Variants in CES2 observed in about 807,000 individuals in gnomAD.
CES2 encodes cocaine esterase.
In CES2, 42 loss-of-function variants were observed where a neutral mutation model predicts 52.1. The ratio of observed to expected loss-of-function variants is 0.81; its 90% confidence interval spans 0.63 to 1.04. CES2 has a LOEUF of 1.04. Among genes scored for constraint, CES2 ranks in the 50% least tolerant of loss-of-function variants. CES2 has a pLI of 0.00. For synonymous variants in CES2, 277 were observed against 289.6 expected (o/e 0.96, Z 0.44); for missense variants, 656 against 724.3 (o/e 0.91, Z 1.08).
intron 5 of CES2, 139 bp from the exon 6 acceptor site, chr16:66,940,985 G>T: frequency 2.4e-6 from 3 of 1,252,564 alleles, no homozygotes; most frequent in African/African-American, 1.5e-5. Context: ...CTTCTGAGTT[G>T]GAACAGTGTC....
Position 66,943,797 on chromosome 16 carries a change from GA to G in CES2, c.1494-41del, listed in dbSNP as rs1264171343. On this transcript the variant is annotated intron_variant, in intron 11 of 11. Coordinates refer to ENST00000317091, the MANE Select transcript of CES2 (RefSeq NM_001365405.1). The surrounding 1 kb of genome is among the most constrained non-coding windows in gnomAD (Gnocchi z 4.2). ...CTCAGGTCTGGGCTTCGGGGGCCCA[GA>G]GTGACCCTCATACTGCCCTGCTGGG... 3.3e-6 allele frequency: 5 copies of G among 1,519,118 alleles called. No individual in the cohort carries two copies. In the South Asian group the frequency reaches 6.3e-5, roughly 19 times the overall value. The allele number at this position is 1,519,118 out of a possible 1,614,324, so 94.1% of individuals were successfully genotyped here.
chr16:66,942,140 G>A lies in CES2; in HGVS notation c.1173G>A (p.Glu391=). The A allele has an allele frequency of 1.9e-6, 3 of 1,612,678 alleles. No homozygotes were observed. Among genetic ancestry groups the A allele is most frequent in the Admixed American group, 1.7e-5 (1 of 59,940 alleles). The change falls in exon 9 of 12, where the codon GAG becomes GAA. Residue 391 remains glutamate, a synonymous_variant. Transcript: ENST00000317091. The part of the protein sequence containing the change: ...LPPTFGDLLR[E]EYIGDNGDPQ... The stretch of plus-strand genomic sequence containing the variant: ...CTACATTTGGTGACCTGCTGAGGGA[G>A]GAGTACATTGGGGACAATGGGGATC...
At chr16:66,938,571 G>A (rs1013481214) in intron 2 of CES2, among the ~76,000 whole-genome samples, 1 of 152,182 alleles carries the variant, frequency 6.6e-6, no homozygotes, top group South Asian at 2.1e-4. Context: ...GGAAAGGTTC[G>A]GGTTGGCTCT....
At position 66,941,606 on chromosome 16, in the gene CES2, T is replaced by G. The variant is rs1026557670; in HGVS notation, c.1016T>G (p.Val339Gly). Residue 339 changes from valine to glycine, a missense_variant, in exon 7 of 12, where the codon GTT becomes GGT. Transcript: ENST00000317091. ...GACTTTCAGCCTGTCCCTAGCATTG[T>G]TGGTGTCAACAACAATGAATTCGGC... is the stretch of plus-strand genomic sequence containing the variant. The part of the protein sequence containing the change: ...SADFQPVPSI[V>G]GVNNNEFGWL... The G allele has an allele frequency of 5.6e-6, 9 of 1,614,126 alleles. No individual in the cohort carries two copies. Among genetic ancestry groups the G allele is most frequent in the Non-Finnish European group, 6.8e-6 (8 of 1,180,002 alleles).
At chr16:66,941,308 CACATT>C in intron 6 of CES2, 86 bp downstream of exon 6, 1 of 1,556,018 alleles carries the variant, frequency 6.4e-7, no homozygotes, top group South Asian at 1.2e-5. Context: ...ATTCCCTGGG[CACATT>C]ACCTCATCTG....
Position 66,943,968 on chromosome 16 carries a change from G to A in CES2, c.1623G>A (p.Ala541=), listed in dbSNP as rs763130930. 5.0e-6 allele frequency: 8 copies of A among 1,600,658 alleles called. No homozygotes were observed. The highest frequency in any genetic ancestry group is 4.0e-5 in the African/African-American group (3 of 74,676). Residue 541 remains alanine, a synonymous_variant, in exon 12 of 12, where the codon GCG becomes GCA. Transcript: ENST00000317091. The surrounding 1 kb of genome is among the most constrained non-coding windows in gnomAD (Gnocchi z 4.2). ...ACAGGCTCCAGTTCTGGAAGAAGGC[G>A]CTGCCCCAAAAGATCCAGGAGCTCG... ...KAHRLQFWKK[A]LPQKIQELEE... is the part of the protein sequence containing the mutation.
chr16:66,935,236 G>T (rs1205278904), upstream of CES2: 3 of 542,638 alleles, frequency 5.5e-6, no homozygotes, highest in Admixed American at 6.3e-5. Context: ...GCCCTCCTGG[G>T]GTCTCCAATT....
chr16:66,944,086 CCA>C lies in CES2; in HGVS notation c.*69_*70del, dbSNP rs1963432660. The C allele has an allele frequency of 1.5e-5, 12 of 783,454 alleles. No individual in the cohort carries two copies. Among genetic ancestry groups the C allele is most frequent in the South Asian group, 2.2e-5 (1 of 44,516 alleles). 48.5% of individuals were successfully genotyped at this position (783,454 alleles called of 1,614,324 possible). A position where few individuals can be genotyped will look rare whatever the true frequency, so the allele number is the denominator to read the frequency against. On this transcript the variant is annotated 3_prime_UTR_variant, in exon 12 of 12. Transcript: ENST00000317091. ...ACAGGCGAGGGTCAGCCTGCTGTGC[CCA>C]CACACACCCACTAAGGAGAAAGAAG...
chr16:66,936,052 C>A, intron 1 of CES2: 1 of 1,226,122 alleles, frequency 8.2e-7, no homozygotes, highest in Non-Finnish European at 1.0e-6. Context: ...ATGATTGTGG[C>A]TGTAGCGGGT....
Position 66,935,604 on chromosome 16 carries a change from G to C in CES2, c.-32G>C. The C allele has an allele frequency of 1.2e-6, 2 of 1,610,370 alleles. No homozygotes were observed. The highest frequency in any genetic ancestry group is 1.7e-6 in the Non-Finnish European group (2 of 1,179,980). ...CCTCTGGGTGAACAGCAGCGTGTCC[G>C]CCGGCAGCGAACCGAGACCAGCGAG... On this transcript the variant is annotated 5_prime_UTR_variant, in exon 1 of 12. Coordinates refer to ENST00000317091, the MANE Select transcript of CES2 (RefSeq NM_001365405.1).
In CES2 at chr16:66,939,255, T is replaced by G. The variant is rs767154366; in HGVS notation, c.320T>G (p.Leu107Arg). ...QDLTAVESEF[L>R]SQFNMTFPSD... ...CTCACCGCAGTGGAGTCAGAGTTTC[T>G]TAGCCAGTTCAACATGACCTTCCCT... The change falls in exon 3 of 12, where the codon CTT becomes CGT. Residue 107 changes from leucine to arginine, a missense_variant. Transcript: ENST00000317091. The G allele has an allele frequency of 6.2e-7, 1 of 1,613,668 alleles. No homozygotes were observed. The highest frequency in any genetic ancestry group is 1.6e-4 in the Middle Eastern group (1 of 6,080).
chr16:66,935,390 G>A (rs1963174309), upstream of CES2: 2 of 1,528,856 alleles, frequency 1.3e-6, no homozygotes, highest in African/African-American at 1.4e-5. Context: ...AGGAGCCCGG[G>A]CAAAGGAAAG....
chr16:66,937,674 A>G lies in CES2; in HGVS notation c.77-363A>G, dbSNP rs533339073. Reference sequence around the variant, plus strand: ...TACATGATTTCTTGCCACTTTGGACATGACATCCCTGAGGACAAGAAACTT... The same window carrying G: ...TACATGATTTCTTGCCACTTTGGACGTGACATCCCTGAGGACAAGAAACTT... On this transcript the variant is annotated intron_variant, in intron 1 of 11. Coordinates refer to ENST00000317091, the MANE Select transcript of CES2 (RefSeq NM_001365405.1). Among the ~76,000 whole-genome samples, 5 of 152,318 alleles carry G rather than the reference A, an allele frequency of 3.3e-5. No homozygotes were observed. In the East Asian group the frequency reaches 7.7e-4, roughly 24 times the overall value.
intron 1 of CES2, among the ~76,000 whole-genome samples, chr16:66,936,831 A>G (rs1319896979): frequency 6.6e-6 from 1 of 152,078 alleles, no homozygotes; most frequent in African/African-American, 2.4e-5. Context: ...ACCACATTCT[A>G]GAGTTCACCA....
rs1413615167 is a variant in CES2 at position 66,944,819 on chromosome 16, TCTTGCTAGACACA to T, written c.*797_*809del. ...GTTACCAAGCCTGCCATGGGTCCTC[TCTTGCTAGACACA>T]CTCCATAGATCCCCCCACTGAGCTG... On this transcript the variant is annotated 3_prime_UTR_variant, in exon 12 of 12. Coordinates refer to ENST00000317091, the MANE Select transcript of CES2 (RefSeq NM_001365405.1). 1 of 152,272 alleles carries T rather than the reference TCTTGCTAGACACA, an allele frequency of 6.6e-6. No individual in the cohort carries two copies. Among genetic ancestry groups the T allele is most frequent in the Non-Finnish European group, 1.5e-5 (1 of 68,078 alleles). The allele number at this position is 152,272 out of a possible 1,614,324, so 9.4% of individuals were successfully genotyped here.
chr16:66,943,831 G>A lies in CES2; in HGVS notation c.1494-8G>A, dbSNP rs1290239443. The A allele has an allele frequency of 1.9e-6, 3 of 1,583,896 alleles. No individual in the cohort carries two copies. In the South Asian group the frequency reaches 3.4e-5, roughly 18 times the overall value. On this transcript the variant is annotated splice_polypyrimidine_tract_variant and splice_region_variant and intron_variant, in intron 11 of 11. Coordinates refer to ENST00000317091, the MANE Select transcript of CES2 (RefSeq NM_001365405.1). This position sits in a 1 kb window ranked among gnomAD's most constrained non-coding sequence, Gnocchi z 4.2. ...TCATACTGCCCTGCTGGGATGGCAT[G>A]TCTACAGGAACCCCAATGGCGAGGG... is the stretch of plus-strand genomic sequence containing the variant.
In CES2 at chr16:66,943,952, A is replaced by G. The variant is rs2145512161; in HGVS notation, c.1607A>G (p.Gln536Arg). Reference protein sequence around the residue: ...VGRALKAHRLQFWKKALPQKI... With the variant: ...VGRALKAHRLRFWKKALPQKI... ...CGGGCTCTGAAGGCCCACAGGCTCC[A>G]GTTCTGGAAGAAGGCGCTGCCCCAA... The change falls in exon 12 of 12, where the codon CAG (glutamine) becomes CGG (arginine). Residue 536 changes from glutamine (Q) to arginine (R), a missense_variant. Gln to Arg is a conservative substitution (Grantham distance 43). Coordinates refer to ENST00000317091, the MANE Select transcript of CES2 (RefSeq NM_001365405.1). This position sits in a 1 kb window ranked among gnomAD's most constrained non-coding sequence, Gnocchi z 4.2. The G allele has an allele frequency of 1.2e-6, 2 of 1,606,780 alleles. No individual in the cohort carries two copies. Among genetic ancestry groups the G allele is most frequent in the South Asian group, 2.2e-5 (2 of 90,400 alleles).
chr16:66,942,804 C>G lies in CES2; in HGVS notation c.1420+19C>G, dbSNP rs879084584. The stretch of plus-strand genomic sequence containing the variant: ...AACTACAGTGAGTCTTCTTCCTTTC[C>G]CGGGAGGTGGGCTGGGATTCTGGCT... On this transcript the variant is annotated intron_variant, in intron 10 of 11. Coordinates refer to ENST00000317091, the MANE Select transcript of CES2 (RefSeq NM_001365405.1). 1.2e-6 allele frequency: 2 copies of G among 1,613,954 alleles called. No individual in the cohort carries two copies. Among genetic ancestry groups the G allele is most frequent in the South Asian group, 1.1e-5 (1 of 91,066 alleles).
rs113839909 is a variant in CES2, at chr16:66,941,598, T to C, written c.1008T>C (p.Pro336=). 28 of 1,614,010 alleles carry C rather than the reference T, an allele frequency of 1.7e-5. No individual in the cohort carries two copies. In the African/African-American group the frequency reaches 1.7e-4, roughly 10 times the overall value. The change falls in exon 7 of 12, where the codon CCT becomes CCC. Residue 336 remains proline (P), a synonymous_variant. Transcript: ENST00000317091. ...LLASADFQPV[P]SIVGVNNNEF... is the part of the protein sequence containing the mutation. ...CCTCTGCCGACTTTCAGCCTGTCCC[T>C]AGCATTGTTGGTGTCAACAACAATG... is the stretch of plus-strand genomic sequence containing the variant.
Sources: gnomAD v4.1 joint callset for allele counts (sites outside exome capture counted in the v4.1 genomes callset) on GRCh38, gnomAD v4.1.1 for gene constraint, Gnocchi (gnomAD v3.1) non-coding constraint, MANE v1.5 for transcripts, NCBI Gene and HGNC (gene_info 2026-07-23, HGNC 2026-07-21) for gene names.